PKHD1: variants seen among roughly 807,000 people sequenced by gnomAD.
PKHD1 encodes the protein fibrocystin.
Under a neutral mutation model 412.0 loss-of-function variants are expected in PKHD1, and 291 were observed. The ratio of observed to expected loss-of-function variants is 0.71; its 90% CI spans 0.64 to 0.78. The LOEUF is 0.78. Ranked by LOEUF, PKHD1 falls within the 30% of genes least tolerant of loss-of-function variation. The pLI, the probability that PKHD1 is intolerant of heterozygous loss-of-function variation, is 0.00. For missense variants in PKHD1, 4,825 were observed against 4,950.7 expected, an observed-to-expected ratio of 0.97 and a Z score of 0.76; for synonymous variants, 1,777 against 1,821.5, an observed-to-expected ratio of 0.98 and a Z score of 0.62.
chr6:51,981,927 G>A (rs1198662625), intron 35 of PKHD1, among the ~76,000 whole-genome samples: 7 of 88,612 alleles, frequency 7.9e-5, no homozygotes, highest in African/African-American at 1.5e-4. Flanking sequence ...GTCTCTGCCC[G>A]GCCGCCCATC....
At chr6:51,889,666 T>C (rs991045149) in intron 43 of PKHD1, among the ~76,000 whole-genome samples, 1 of 152,210 alleles carries the variant, frequency 6.6e-6, no homozygotes, top group African/African-American at 2.4e-5. Context: ...CAGTATTCTT[T>C]ACTCTTGGCC....
chr6:52,048,655 G>A (rs2128193259), intron 22 of PKHD1, 36 bp from the exon 23 acceptor site: 1 of 1,613,034 alleles, frequency 6.2e-7, no homozygotes, highest in Non-Finnish European at 8.5e-7. Context: ...TAACGTCTGG[G>A]TTGGGGTGTG....
chr6:51,716,622 C>A (rs143290113), intron 60 of PKHD1, among the ~76,000 whole-genome samples: 1 of 152,030 alleles, frequency 6.6e-6, no homozygotes, highest in Non-Finnish European at 1.5e-5. Flanking sequence ...GACCTCTGGC[C>A]ACAAGAGTAT....
At position 51,650,093 on chromosome 6, in the gene PKHD1, G is replaced by C. The variant is rs1338471708; in HGVS notation, c.11175-873C>G. Among the ~76,000 whole-genome samples the C allele has an allele frequency of 3.3e-5, 5 of 152,122 alleles. No individual in the cohort carries two copies. The South Asian group carries it at 6.2e-4, about 19-fold the overall frequency. On this transcript the variant is annotated intron_variant, in intron 61 of 66. Coordinates refer to ENST00000371117, the MANE Select transcript of PKHD1 (RefSeq NM_138694.4). ...AATAGTAAGTGTTGACCAAGATCTA[G>C]AGTGGTTAACCAATGACCTATATTA...
chr6:52,049,891 C>G (rs1806506690), intron 22 of PKHD1, among the ~76,000 whole-genome samples: 1 of 152,152 alleles, frequency 6.6e-6, no homozygotes, highest in Non-Finnish European at 1.5e-5. Flanking sequence ...AGTCCCCAGA[C>G]CAGCAGAATC....
chr6:51,984,336 A>G (rs1211957249), intron 35 of PKHD1, among the ~76,000 whole-genome samples: 2 of 152,258 alleles, frequency 1.3e-5, no homozygotes, highest in Non-Finnish European at 2.9e-5. Flanking sequence ...AGAGAAAGGC[A>G]TGGAAGGAAG....
rs182737613 is a variant in PKHD1, at chr6:51,903,824, A to C, written c.6866-97T>G. ...ACTAATACACATCAGAGTTCACATAATGCATTTCATATATATATATATATA... is the reference window on the plus strand; with the variant it reads ...ACTAATACACATCAGAGTTCACATACTGCATTTCATATATATATATATATA... On this transcript the variant is annotated intron_variant, in intron 42 of 66. Transcript: ENST00000371117. 1.1e-3 allele frequency: 727 copies of C among 679,928 alleles called. 6 individuals carry two copies. In the African/African-American group the frequency reaches 0.017, roughly 16 times the overall value. 42.1% of individuals were successfully genotyped at this position (679,928 alleles called of 1,614,324 possible).
At chr6:51,646,375 T>C (rs556406354) in intron 63 of PKHD1, among the ~76,000 whole-genome samples, 1 of 152,294 alleles carries the variant, frequency 6.6e-6, no homozygotes, top group African/African-American at 2.4e-5. Context: ...AAGATCTGTG[T>C]GTTGGGAGAT....
At chr6:52,032,345 G>T (rs1236043614) in intron 29 of PKHD1, among the ~76,000 whole-genome samples, 1 of 152,088 alleles carries the variant, frequency 6.6e-6, no homozygotes, top group East Asian at 1.9e-4. Flanking sequence ...AATCTATATG[G>T]AATTACATGA....
chr6:51,841,177 T>C (rs891400800), intron 50 of PKHD1, among the ~76,000 whole-genome samples: 2 of 152,184 alleles, frequency 1.3e-5, no homozygotes, highest in African/African-American at 4.8e-5. Flanking sequence ...GTTAGGTATA[T>C]AAGCTCAGAT....
Position 51,748,054 on chromosome 6 carries a change from C to T in PKHD1, c.9562G>A (p.Ala3188Thr), listed in dbSNP as rs77496823. 6.2e-7 allele frequency: 1 copy of T among 1,614,014 alleles called. No individual in the cohort carries two copies. The highest frequency in any genetic ancestry group is 2.2e-5 in the East Asian group (1 of 44,882). The change falls in exon 58 of 67, where the codon GCT becomes ACT. Residue 3188 changes from alanine to threonine, a missense_variant. By Grantham distance (58) the Ala-to-Thr change is moderately conservative. Coordinates refer to ENST00000371117, the MANE Select transcript of PKHD1 (RefSeq NM_138694.4). ...ACTTTTTTGACGGAATTTTGTGGAG[C>T]AGAAAATACATACACTACTGCCAAA... ...GLLAVVYVFS[A>T]PQNSVKKVQI...
intron 61 of PKHD1, among the ~76,000 whole-genome samples, chr6:51,649,664 C>T (rs488063): frequency 0.92 from 140,603 of 152,228 alleles, 65,088 homozygotes; most frequent in East Asian, 1. Flanking sequence ...ATATAAATAC[C>T]ACCAACATAG....
At chr6:52,067,678 GAGA>G (rs1387384498) in intron 11 of PKHD1, among the ~76,000 whole-genome samples, 1 of 152,212 alleles carries the variant, frequency 6.6e-6, no homozygotes, top group African/African-American at 2.4e-5. Context: ...TAGCGAAGAG[GAGA>G]AGGAGAGGGC....
rs1337013050 is a variant in PKHD1, at chr6:52,076,379, C to T, written c.391-46G>A. On this transcript the variant is annotated intron_variant, in intron 5 of 66. Transcript: ENST00000371117. ...CAAGTGAGCATGTCATTAAAATATT[C>T]ACAAACACAGGAGGCACAAGCCTTT... 7.0e-6 allele frequency: 10 copies of T among 1,433,312 alleles called. No individual in the cohort carries two copies. In the African/African-American group the frequency reaches 1.3e-4, roughly 18 times the overall value. The allele number at this position is 1,433,312 out of a possible 1,614,324, so 88.8% of individuals were successfully genotyped here.
intron 12 of PKHD1, 136 bp from the exon 13 acceptor site, chr6:52,065,186 G>GAGAC (rs1809472007): frequency 1.7e-5 from 3 of 174,708 alleles, no homozygotes; most frequent in African/African-American, 2.6e-5. Flanking sequence ...GAGAGAGAGA[G>GAGAC]AGAGAGAGAG....
At chr6:51,658,901 T>A (rs757990955) in intron 61 of PKHD1, 51 bp downstream of exon 61, 5 of 1,146,266 alleles carry the variant, frequency 4.4e-6, no homozygotes, top group Non-Finnish European at 2.7e-6. Context: ...TATGTCAATA[T>A]GGACCTAAAA....
At chr6:51,801,654 T>TGTGTGTGTGTGTGTGTGTGTGTGTGA (rs751203950) in intron 52 of PKHD1, among the ~76,000 whole-genome samples, 12,810 of 112,746 alleles carry the variant, frequency 0.11, 689 homozygotes, top group Middle Eastern at 0.16. Context: ...TGTGTGTGTG[T>TGTGTGTGTGTGTGTGTGTGTGTGTGA]GAGAGAGAGA....
intron 25 of PKHD1, among the ~76,000 whole-genome samples, chr6:52,044,531 T>A (rs1805469504): frequency 1.3e-5 from 2 of 152,202 alleles, no homozygotes; most frequent in South Asian, 4.1e-4. Context: ...GTGTTGATAA[T>A]ATTATTCTTT....
At chr6:51,844,302 C>A (rs143105956) in intron 50 of PKHD1, among the ~76,000 whole-genome samples, 1 of 152,310 alleles carries the variant, frequency 6.6e-6, no homozygotes, top group East Asian at 1.9e-4. Flanking sequence ...AAACCCTAAG[C>A]CCCAAGCACT....
Sources: allele counts gnomAD v4.1 joint callset (sites outside exome capture counted in the v4.1 genomes callset), GRCh38; gene constraint gnomAD v4.1.1; transcripts MANE v1.5; gene names NCBI Gene and HGNC (gene_info 2026-07-23, HGNC 2026-07-21).